LRFN5: variants seen among roughly 807,000 people sequenced by gnomAD.
The protein encoded by LRFN5 is leucine rich repeat and fibronectin type III domain containing 5.
A neutral mutation model predicts 45.6 loss-of-function variants in LRFN5; 24 were observed. The ratio of observed to expected loss-of-function variants is 0.53; its 90% CI spans 0.38 to 0.74. LRFN5 has a LOEUF of 0.74. Ranked by LOEUF, LRFN5 falls within the 30% of genes least tolerant of loss-of-function variation. LRFN5 has a pLI of 0.00. For missense variants in LRFN5, 776 were observed against 861.5 expected, an observed-to-expected ratio of 0.90 and a Z score of 1.24; for synonymous variants, 340 against 313.8, an observed-to-expected ratio of 1.08 and a Z score of -0.88.
chr14:41,858,191 T>A (rs1038165168), intron 2 of LRFN5, among the ~76,000 whole-genome samples: 3 of 152,168 alleles, frequency 2.0e-5, no homozygotes, highest in Admixed American at 1.3e-4. Context: ...AGAAATATTA[T>A]CTTCACCTGT....
intron 1 of LRFN5, among the ~76,000 whole-genome samples, chr14:41,715,768 T>C (rs1388099114): frequency 6.6e-6 from 1 of 152,164 alleles, no homozygotes; most frequent in Non-Finnish European, 1.5e-5. Context: ...TCGTTGGATC[T>C]ATCATTCTGG....
intron 2 of LRFN5, among the ~76,000 whole-genome samples, chr14:41,841,749 T>C (rs1888867525): frequency 6.6e-6 from 1 of 151,866 alleles, no homozygotes; most frequent in Admixed American, 6.6e-5. Flanking sequence ...GTTCACAGGG[T>C]AGATGGGCAT....
chr14:41,762,386 GT>G (rs1295026715), intron 1 of LRFN5, among the ~76,000 whole-genome samples: 1 of 152,058 alleles, frequency 6.6e-6, no homozygotes, highest in Admixed American at 6.6e-5. Context: ...TAATTTATTT[GT>G]CATATGATCT....
At chr14:41,796,499 G>C (rs1394783449) in intron 2 of LRFN5, among the ~76,000 whole-genome samples, 1 of 151,776 alleles carries the variant, frequency 6.6e-6, no homozygotes, top group African/African-American at 2.4e-5. Flanking sequence ...CTTTTAAAAA[G>C]CCTGGGTAAT....
At chr14:41,896,615 T>C (rs1321525045) in intron 4 of LRFN5, among the ~76,000 whole-genome samples, 1 of 152,182 alleles carries the variant, frequency 6.6e-6, no homozygotes, top group Non-Finnish European at 1.5e-5. Context: ...ATAATCAAAA[T>C]TAATATTTGA....
intron 1 of LRFN5, among the ~76,000 whole-genome samples, chr14:41,735,520 C>T (rs907315390): frequency 6.6e-5 from 10 of 152,278 alleles, no homozygotes; most frequent in Admixed American, 2.0e-4. Context: ...AGTCCTTCTG[C>T]GTCAGCCCCC....
intron 2 of LRFN5, among the ~76,000 whole-genome samples, chr14:41,777,932 G>C (rs1372463811): frequency 6.8e-6 from 1 of 147,714 alleles, no homozygotes; most frequent in African/African-American, 2.5e-5. Flanking sequence ...CTGTCTTTAA[G>C]ATGGTAATTC....
chr14:41,812,431 A>G (rs1887767343), intron 2 of LRFN5, among the ~76,000 whole-genome samples: 1 of 151,880 alleles, frequency 6.6e-6, no homozygotes, highest in Non-Finnish European at 1.5e-5. Context: ...CTTTGTTTTA[A>G]GACATTCATT....
intron 1 of LRFN5, among the ~76,000 whole-genome samples, chr14:41,641,499 A>G (rs1459655234): frequency 1.3e-5 from 2 of 152,148 alleles, no homozygotes; most frequent in African/African-American, 4.8e-5. Flanking sequence ...ACCATACTAT[A>G]GTAATAAAAT....
chr14:41,673,576 C>A (rs1324435003), intron 1 of LRFN5, among the ~76,000 whole-genome samples: 1 of 139,348 alleles, frequency 7.2e-6, no homozygotes, highest in African/African-American at 2.7e-5. Flanking sequence ...CAGGGGGTGA[C>A]CCCCCCCACC....
rs188805291 is a variant in LRFN5, at chr14:41,761,406, A to G, written c.-196-5448A>G. On this transcript the variant is annotated intron_variant, in intron 1 of 5. Transcript: ENST00000298119. ...ATAAAAAGTGATAATTATTCTATTG[A>G]TAGGCACAAACTGATATTCTGTTTT... Among the ~76,000 whole-genome samples the G allele has an allele frequency of 7.2e-5, 11 of 152,286 alleles. 1 individual carries two copies. The East Asian group carries it at 1.7e-3, about 24-fold the overall frequency.
intron 2 of LRFN5, among the ~76,000 whole-genome samples, chr14:41,823,403 G>T (rs1888190635): frequency 1.4e-5 from 2 of 146,154 alleles, no homozygotes; most frequent in Non-Finnish European, 3.0e-5. Flanking sequence ...TAGTTTAGAA[G>T]GATACAAAAT....
chr14:41,699,428 A>T (rs957122342), intron 1 of LRFN5: 17 of 152,224 alleles, frequency 1.1e-4, no homozygotes, highest in African/African-American at 4.1e-4. Context: ...AATGAGATAA[A>T]CTTCAGTGAG....
intron 1 of LRFN5, among the ~76,000 whole-genome samples, chr14:41,702,967 C>T (rs1454157212): frequency 6.6e-6 from 1 of 151,926 alleles, no homozygotes; most frequent in Non-Finnish European, 1.5e-5. Flanking sequence ...ACCATGGCAC[C>T]CCTTTATCAC....
chr14:41,615,281 G>A (rs1887892393), intron 1 of LRFN5, among the ~76,000 whole-genome samples: 1 of 151,742 alleles, frequency 6.6e-6, no homozygotes, highest in South Asian at 2.1e-4. Context: ...CCTTTAACTT[G>A]AGCCAAAACT....
rs1891193913 is a variant in LRFN5 at position 41,904,395 on chromosome 14, C to T, written c.*220C>T. The T allele has an allele frequency of 2.1e-6, 1 of 465,872 alleles. No individual in the cohort carries two copies. The highest frequency in any genetic ancestry group is 3.7e-6 in the Non-Finnish European group (1 of 266,858). The allele number at this position is 465,872 out of a possible 1,614,324, so 28.9% of individuals were successfully genotyped here. ...AAAACCAAATTTTTTTTTCTTCTGG[C>T]CTACAAGTATTTTTTTTTTAAAAAA... On this transcript the variant is annotated 3_prime_UTR_variant, in exon 6 of 6. Coordinates refer to ENST00000298119, the MANE Select transcript of LRFN5 (RefSeq NM_152447.5).
At chr14:41,674,646 G>T (rs1204606516) in intron 1 of LRFN5, among the ~76,000 whole-genome samples, 3 of 149,658 alleles carry the variant, frequency 2.0e-5, no homozygotes, top group South Asian at 2.2e-4. Flanking sequence ...TTGGCCAGGT[G>T]GGGGGCTGAT....
intron 1 of LRFN5, among the ~76,000 whole-genome samples, chr14:41,717,228 A>G (rs559103899): frequency 1.3e-5 from 2 of 152,118 alleles, no homozygotes; most frequent in Admixed American, 6.6e-5. Context: ...TCCACACTCA[A>G]CCTCTATTAC....
chr14:41,771,254 C>A (rs1368468181), intron 2 of LRFN5, among the ~76,000 whole-genome samples: 1 of 150,904 alleles, frequency 6.6e-6, no homozygotes, highest in Non-Finnish European at 1.5e-5. Context: ...TGGGAGCAGG[C>A]CCAGTCTTGA....
Sources: allele counts gnomAD v4.1 joint callset (sites outside exome capture counted in the v4.1 genomes callset), GRCh38; gene constraint gnomAD v4.1.1; transcripts MANE v1.5; gene names NCBI Gene and HGNC (gene_info 2026-07-23, HGNC 2026-07-21).